Variants in ENTREP2 observed in about 807,000 individuals in gnomAD.
ENTREP2 encodes protein ENTREP2.
the ENTREP2 span, among the ~76,000 whole-genome samples, chr15:29,646,799 A>C: frequency 1.3e-5 from 2 of 152,176 alleles, no homozygotes; most frequent in African/African-American, 4.8e-5. Flanking sequence ...ATCTATAGAC[A>C]TAAAGAGACA....
the ENTREP2 span, among the ~76,000 whole-genome samples, chr15:29,365,722 C>T: frequency 6.6e-6 from 1 of 151,606 alleles, no homozygotes; most frequent in Non-Finnish European, 1.5e-5. Context: ...TGTCTTTGTC[C>T]TTTAAAAGTC....
At chr15:29,523,214 A>C in the ENTREP2 span, among the ~76,000 whole-genome samples, 1 of 152,238 alleles carries the variant, frequency 6.6e-6, no homozygotes, top group Non-Finnish European at 1.5e-5. Context: ...AGGAATCCAC[A>C]AAAATACTGT....
the ENTREP2 span, among the ~76,000 whole-genome samples, chr15:29,188,334 T>A: frequency 3.9e-5 from 6 of 152,302 alleles, no homozygotes; most frequent in African/African-American, 1.4e-4. Flanking sequence ...CATGGTGGTT[T>A]GCTGCACCCA....
the ENTREP2 span, among the ~76,000 whole-genome samples, chr15:29,503,577 A>C: frequency 6.6e-6 from 1 of 152,180 alleles, no homozygotes; most frequent in South Asian, 2.1e-4. Flanking sequence ...CAAAATGGTG[A>C]CTTGCATGTT....
the ENTREP2 span, among the ~76,000 whole-genome samples, chr15:29,118,838 C>T: frequency 6.6e-6 from 1 of 152,198 alleles, no homozygotes; most frequent in Non-Finnish European, 1.5e-5. Flanking sequence ...TCTGGTGTCA[C>T]CTGGTGTGGG....
chr15:29,176,066 T>C, the ENTREP2 span, among the ~76,000 whole-genome samples: 2 of 152,254 alleles, frequency 1.3e-5, no homozygotes, highest in African/African-American at 4.8e-5. Flanking sequence ...TGGTAGGAAA[T>C]ACTGGCTGAC....
the ENTREP2 span, among the ~76,000 whole-genome samples, chr15:29,483,181 G>T: frequency 1.3e-5 from 2 of 152,094 alleles, no homozygotes; most frequent in East Asian, 1.9e-4. Context: ...TTTTAATCAG[G>T]TTATTTGTTT....
chr15:29,193,600 AG>A, the ENTREP2 span, among the ~76,000 whole-genome samples: 1 of 152,202 alleles, frequency 6.6e-6, no homozygotes, highest in African/African-American at 2.4e-5. Context: ...GGACTGTCAT[AG>A]GACTTCTTAG....
At chr15:29,459,319 C>T in the ENTREP2 span, among the ~76,000 whole-genome samples, 8 of 152,162 alleles carry the variant, frequency 5.3e-5, no homozygotes, top group Non-Finnish European at 1.2e-4. Context: ...GAAGTGGCAG[C>T]TCTATGAAAT....
chr15:29,444,214 G>GAAAGA, the ENTREP2 span, among the ~76,000 whole-genome samples: 215 of 146,216 alleles, frequency 1.5e-3, 3 homozygotes, highest in African/African-American at 5.5e-3. Context: ...AAGAAAGAAA[G>GAAAGA]AAAGAAAGAA....
the ENTREP2 span, chr15:29,610,715 G>A: frequency 0.054 from 8,107 of 150,204 alleles, 779 homozygotes; most frequent in East Asian, 0.17. Flanking sequence ...GATTGACCTC[G>A]TAATGTTTTT....
At chr15:29,125,993 G>A in the ENTREP2 span, among the ~76,000 whole-genome samples, 10 of 152,302 alleles carry the variant, frequency 6.6e-5, no homozygotes, top group South Asian at 1.4e-3. Flanking sequence ...CCTGGAGCAC[G>A]TGTGCAGCAC....
the ENTREP2 span, among the ~76,000 whole-genome samples, chr15:29,138,580 C>T: frequency 2.5e-5 from 2 of 81,160 alleles, no homozygotes; most frequent in East Asian, 7.7e-4. Flanking sequence ...TGTGCATGTG[C>T]ATGTGTCTGT....
chr15:29,400,217 A>C, the ENTREP2 span, among the ~76,000 whole-genome samples: 3 of 152,198 alleles, frequency 2.0e-5, no homozygotes, highest in South Asian at 4.1e-4. Flanking sequence ...ACAAGCTCTT[A>C]AACTATAGAC....
At chr15:29,254,702 TA>T in the ENTREP2 span, among the ~76,000 whole-genome samples, 1 of 151,878 alleles carries the variant, frequency 6.6e-6, no homozygotes, top group African/African-American at 2.4e-5. Context: ...ACTAAAAATA[TA>T]AAAATTAGCC....
the ENTREP2 span, among the ~76,000 whole-genome samples, chr15:29,477,808 C>T: frequency 6.6e-6 from 1 of 151,916 alleles, no homozygotes; most frequent in African/African-American, 2.4e-5. Flanking sequence ...TGGGCATGAG[C>T]GTTCCCGAGG....
chr15:29,588,243 C>G, the ENTREP2 span, among the ~76,000 whole-genome samples: 1 of 152,030 alleles, frequency 6.6e-6, no homozygotes, highest in Non-Finnish European at 1.5e-5. Flanking sequence ...TGTTGAACTG[C>G]ACCAAGAGGG....
chr15:29,515,339 G>A, the ENTREP2 span, among the ~76,000 whole-genome samples: 1 of 152,186 alleles, frequency 6.6e-6, no homozygotes. Context: ...AGGTCGGGGG[G>A]ATGATGGATG....
At chr15:29,151,939 G>C in the ENTREP2 span, 1 of 860,242 alleles carries the variant, frequency 1.2e-6, no homozygotes, top group Non-Finnish European at 1.9e-6. Flanking sequence ...CGAGGTCGAT[G>C]ACCATCCACT....
Sources: allele counts gnomAD v4.1 joint callset (sites outside exome capture counted in the v4.1 genomes callset), GRCh38; gene constraint gnomAD v4.1.1; transcripts MANE v1.5; gene names NCBI Gene and HGNC (gene_info 2026-07-23, HGNC 2026-07-21).